Variants in LIMCH1 observed in about 807,000 individuals in gnomAD.
LIMCH1 encodes the protein LIM and calponin homology domains-containing protein 1.
Under a neutral mutation model 176.5 loss-of-function variants are expected in LIMCH1, and 113 were observed. The observed-to-expected ratio is 0.64, with a 90% confidence interval of 0.55 to 0.75. The LOEUF (loss-of-function observed/expected upper bound fraction) is 0.75. LIMCH1 is among the 30% of genes least tolerant of loss of function. The pLI, the probability that LIMCH1 is intolerant of heterozygous loss-of-function variation, is 0.00. For synonymous variants in LIMCH1, 619 were observed against 645.9 expected (o/e 0.96, Z 0.63); for missense variants, 1,674 against 1,814.9 (o/e 0.92, Z 1.41).
chr4:41,554,076 C>G (rs910159909), intron 1 of LIMCH1, among the ~76,000 whole-genome samples: 1 of 152,150 alleles, frequency 6.6e-6, no homozygotes, highest in African/African-American at 2.4e-5. Flanking sequence ...TATAAAACTA[C>G]AATTTTCTGA....
intron 28 of LIMCH1, among the ~76,000 whole-genome samples, chr4:41,687,334 C>T (rs1001017941): frequency 8.5e-5 from 13 of 152,262 alleles, no homozygotes; most frequent in African/African-American, 2.4e-4. Flanking sequence ...CTTCATCCCA[C>T]GTATCCATAA....
chr4:41,551,204 A>G (rs372766757), intron 1 of LIMCH1: 2 of 152,316 alleles, frequency 1.3e-5, no homozygotes, highest in East Asian at 1.9e-4. Flanking sequence ...AAGAATACAG[A>G]TGGACTGTGA....
intron 1 of LIMCH1, among the ~76,000 whole-genome samples, chr4:41,392,487 T>A (rs2057352924): frequency 6.6e-6 from 1 of 152,196 alleles, no homozygotes; most frequent in Non-Finnish European, 1.5e-5. Flanking sequence ...AGACAGCACT[T>A]GCCTGGTATA....
In LIMCH1 at chr4:41,629,815, C is replaced by CTTT. The variant is rs113955118; in HGVS notation, c.1271+91_1271+93dup. ...AGGCATCAAATGCTTATCTTTGTGT[C>CTTT]TTTTTTTTTTTTGTCAGGGTCTTGC... On this transcript the variant is annotated intron_variant, in intron 9 of 31. Coordinates refer to ENST00000503057, the MANE Select transcript of LIMCH1 (RefSeq NM_001330672.2). The CTTT allele has an allele frequency of 4.5e-5, 53 of 1,166,508 alleles. No individual in the cohort carries two copies. The African/African-American group carries it at 5.3e-4, about 12-fold the overall frequency. 72.3% of individuals were successfully genotyped at this position (1,166,508 alleles called of 1,614,324 possible). A position where few individuals can be genotyped will look rare whatever the true frequency, so the allele number is the denominator to read the frequency against.
intron 23 of LIMCH1, 83 bp downstream of exon 23, chr4:41,676,545 G>C (rs997940960): frequency 1.0e-6 from 1 of 963,296 alleles, no homozygotes; most frequent in African/African-American, 1.6e-5. Flanking sequence ...TTTAGCACAG[G>C]AAATGAATGG....
chr4:41,570,501 T>C (rs886221544), intron 1 of LIMCH1, among the ~76,000 whole-genome samples: 3 of 152,192 alleles, frequency 2.0e-5, no homozygotes, highest in Non-Finnish European at 4.4e-5. Context: ...CTAGCCTGTA[T>C]TGATTTTGGT....
In LIMCH1 at chr4:41,375,581, A is replaced by G. The variant is rs113637312; in HGVS notation, c.96+14645A>G. Among the ~76,000 whole-genome samples the G allele has an allele frequency of 4.6e-3, 694 of 152,298 alleles. 15 individuals carry two copies. Among genetic ancestry groups the G allele is most frequent in the African/African-American group, 0.016 (672 of 41,574 alleles). ...TTAATTTCATATTTCTCAGGTAAAGATATCTATTTTTTGGAGCCTGAAGCC... is the reference window on the plus strand; with the variant it reads ...TTAATTTCATATTTCTCAGGTAAAGGTATCTATTTTTTGGAGCCTGAAGCC... On this transcript the variant is annotated intron_variant, in intron 1 of 26. Coordinates refer to the LIMCH1 transcript ENST00000313860.
chr4:41,582,679 AT>A (rs1177754370), intron 1 of LIMCH1, among the ~76,000 whole-genome samples: 1 of 152,186 alleles, frequency 6.6e-6, no homozygotes, highest in African/African-American at 2.4e-5. Flanking sequence ...TATCTACCTC[AT>A]AGGGTTGACA....
intron 4 of LIMCH1, chr4:41,612,685 A>C: frequency 1.4e-6 from 1 of 701,744 alleles, no homozygotes; most frequent in Non-Finnish European, 2.6e-6. Context: ...AAGAATTTAT[A>C]ATCACAGGCT....
chr4:41,399,809 G>A (rs2154116379), intron 1 of LIMCH1, among the ~76,000 whole-genome samples: 1 of 142,010 alleles, frequency 7.0e-6, no homozygotes, highest in South Asian at 2.3e-4. Flanking sequence ...AGCCTCCCGA[G>A]TAGCTGGGAG....
At chr4:41,669,479 G>C (rs1384992195) in intron 21 of LIMCH1, among the ~76,000 whole-genome samples, 1 of 152,078 alleles carries the variant, frequency 6.6e-6, no homozygotes, top group African/African-American at 2.4e-5. Flanking sequence ...TCCCTGTAGG[G>C]CTTGGAGCCC....
chr4:41,679,903 A>AAGAT (rs1341001528), intron 23 of LIMCH1, 103 bp from the exon 24 acceptor site: 2 of 664,818 alleles, frequency 3.0e-6, no homozygotes, highest in Non-Finnish European at 5.2e-6. Flanking sequence ...TAACAAGAAG[A>AAGAT]AGATAATCTT....
Position 41,689,507 on chromosome 4 carries a change from A to T in LIMCH1, c.4167-20A>T. ...ATTCTAAACTGAAGTTTTTATTCTT[A>T]TGTATATTTTTAAACCTAGGTCTAT... is the stretch of plus-strand genomic sequence containing the variant. On this transcript the variant is annotated intron_variant, in intron 29 of 31. Coordinates refer to ENST00000503057, the MANE Select transcript of LIMCH1 (RefSeq NM_001330672.2). The T allele has an allele frequency of 7.5e-7, 1 of 1,326,684 alleles. No homozygotes were observed. The highest frequency in any genetic ancestry group is 1.1e-6 in the Non-Finnish European group (1 of 918,488). 82.2% of individuals were successfully genotyped at this position (1,326,684 alleles called of 1,614,324 possible).
rs554532973 is a variant in LIMCH1 at position 41,665,386 on chromosome 4, A to AT, written c.3292-1172dup. Among the ~76,000 whole-genome samples, 19 of 152,310 alleles carry AT rather than the reference A, an allele frequency of 1.2e-4. No individual in the cohort carries two copies. The East Asian group carries it at 3.7e-3, about 29-fold the overall frequency. On this transcript the variant is annotated intron_variant, in intron 20 of 31. Transcript: ENST00000503057. ...AGCTTTGGGAAGGCTAGACCTTATCATTTGCTGTGTAGCACCAACGTTCAT... is the reference window on the plus strand; with the variant it reads ...AGCTTTGGGAAGGCTAGACCTTATCATTTTGCTGTGTAGCACCAACGTTCAT...
chr4:41,454,738 A>G (rs1044857535), intron 1 of LIMCH1, among the ~76,000 whole-genome samples: 1 of 152,222 alleles, frequency 6.6e-6, no homozygotes, highest in Admixed American at 6.5e-5. Flanking sequence ...ACAGCAAGCT[A>G]TTTTCTAGAA....
At chr4:41,625,800 A>AG (rs2092913326) in intron 7 of LIMCH1, among the ~76,000 whole-genome samples, 1 of 152,188 alleles carries the variant, frequency 6.6e-6, no homozygotes, top group Non-Finnish European at 1.5e-5. Context: ...GCAAATTGGC[A>AG]GGGTCATTTG....
intron 1 of LIMCH1, among the ~76,000 whole-genome samples, chr4:41,419,711 CCTTCCTTCCTCCTTCCTTT>C (rs1469430224): frequency 1.2e-4 from 16 of 137,144 alleles, no homozygotes; most frequent in Middle Eastern, 7.7e-3. Flanking sequence ...TTCCTTCCTT[CCTTCCTTCCTCCTTCCTTT>C]CTTCCTCCCC....
At chr4:41,419,198 G>C (rs1266439934) in intron 1 of LIMCH1, among the ~76,000 whole-genome samples, 1 of 149,428 alleles carries the variant, frequency 6.7e-6, no homozygotes, top group Non-Finnish European at 1.5e-5. Flanking sequence ...ATTATTTTGA[G>C]ACGGAGTCTA....
chr4:41,687,972 C>A, intron 29 of LIMCH1, 55 bp downstream of exon 29: 3 of 1,400,358 alleles, frequency 2.1e-6, no homozygotes, highest in Non-Finnish European at 3.0e-6. Context: ...TAGAGCTTGC[C>A]AAGCATCATT....
Sources: allele counts gnomAD v4.1 joint callset (sites outside exome capture counted in the v4.1 genomes callset), GRCh38; gene constraint gnomAD v4.1.1; transcripts MANE v1.5; gene names NCBI Gene and HGNC (gene_info 2026-07-23, HGNC 2026-07-21).